The following SLC17A8 variants were observed in gnomAD, a reference collection of about 807,000 sequenced individuals.
SLC17A8 encodes solute carrier family 17 member 8, also known as vesicular glutamate transporter 3.
A neutral mutation model predicts 58.0 loss-of-function variants in SLC17A8; 31 were observed. That is an observed-to-expected ratio of 0.53 (90% confidence interval 0.40 to 0.72). The LOEUF (loss-of-function observed/expected upper bound fraction) is 0.72. Among genes scored for constraint, SLC17A8 ranks in the 30% least tolerant of loss-of-function variants. The pLI is 0.00. For synonymous variants in SLC17A8, 228 were observed against 249.0 expected, an observed-to-expected ratio of 0.92 and a Z score of 0.79; for missense variants, 655 against 727.8, an observed-to-expected ratio of 0.90 and a Z score of 1.15.
intron 2 of SLC17A8, among the ~76,000 whole-genome samples, chr12:100,387,761 G>T (rs1488314013): frequency 6.6e-6 from 1 of 152,168 alleles, no homozygotes. Flanking sequence ...GAGAGGTTTT[G>T]TGTCCCCTTT....
chr12:100,362,066 A>G (rs1952488604), intron 1 of SLC17A8, among the ~76,000 whole-genome samples: 1 of 152,162 alleles, frequency 6.6e-6, no homozygotes, highest in South Asian at 2.1e-4. Flanking sequence ...CTGGAGCACA[A>G]GCGATGTGCT....
Position 100,402,742 on chromosome 12 carries a change from TA to T in SLC17A8, c.1052del (p.Lys351ArgfsTer13), listed in dbSNP as rs960445053. 4 of 1,613,586 alleles carry T rather than the reference TA, an allele frequency of 2.5e-6. No homozygotes were observed. The highest frequency in any genetic ancestry group is 1.7e-6 in the Non-Finnish European group (2 of 1,179,898). On this transcript the variant is annotated frameshift_variant and splice_region_variant, in exon 8 of 12. Transcript: ENST00000323346. LOFTEE classifies it high-confidence loss of function. ...AAGAGGTCTTTGGATTTGCAATAAGTAAGGTAAACACACAGATGCTCCAAAT... is the reference window on the plus strand; with the variant it reads ...AAGAGGTCTTTGGATTTGCAATAAGTAGGTAAACACACAGATGCTCCAAAT... ...FEEVFGFAIS[K>X]VGLLSAVPHM...
At chr12:100,377,585 ATTTTTTTTTTTT>A (rs35397911) in intron 1 of SLC17A8, among the ~76,000 whole-genome samples, 1 of 84,030 alleles carries the variant, frequency 1.2e-5, no homozygotes, top group African/African-American at 4.9e-5. Context: ...ATATATATAT[ATTTTTTTTTTTT>A]TTTTTTTTTT....
intron 9 of SLC17A8, among the ~76,000 whole-genome samples, chr12:100,409,185 GTA>G (rs1169583642): frequency 3.3e-5 from 5 of 149,584 alleles, no homozygotes; most frequent in South Asian, 2.1e-4. Flanking sequence ...ATGTATGTAT[GTA>G]TGTATGTATG....
intron 3 of SLC17A8, among the ~76,000 whole-genome samples, chr12:100,392,940 C>T (rs1952726954): frequency 6.6e-6 from 1 of 152,138 alleles, no homozygotes; most frequent in Non-Finnish European, 1.5e-5. Flanking sequence ...CTTACCTGAA[C>T]CTGGCCAATC....
At chr12:100,401,701 A>G (rs1448892939) in intron 5 of SLC17A8, 76 bp from the exon 6 acceptor site, 12 of 1,188,934 alleles carry the variant, frequency 1.0e-5, no homozygotes, top group Non-Finnish European at 1.5e-5. Context: ...TCCTGACTTT[A>G]CCATATGAAT....
At chr12:100,387,730 G>A (rs757746445) in intron 2 of SLC17A8, among the ~76,000 whole-genome samples, 5 of 152,136 alleles carry the variant, frequency 3.3e-5, no homozygotes, top group African/African-American at 7.2e-5. Context: ...AAAGAATATC[G>A]TGTTTTGGGG....
At chr12:100,390,934 C>T in intron 2 of SLC17A8, 67 bp from the exon 3 acceptor site, 1 of 998,634 alleles carries the variant, frequency 1.0e-6, no homozygotes, top group Non-Finnish European at 1.6e-6. Flanking sequence ...TGTGTAGGCT[C>T]ATTGGTAAAA....
At chr12:100,365,293 T>C (rs368113716) in intron 1 of SLC17A8, among the ~76,000 whole-genome samples, 2 of 152,214 alleles carry the variant, frequency 1.3e-5, no homozygotes, top group African/African-American at 4.8e-5. Flanking sequence ...CTACTATAGA[T>C]GACAAGGCCT....
intron 1 of SLC17A8, among the ~76,000 whole-genome samples, chr12:100,371,861 A>G (rs979826715): frequency 1.3e-5 from 2 of 152,118 alleles, no homozygotes; most frequent in Non-Finnish European, 2.9e-5. Flanking sequence ...GCAAGGTTTT[A>G]AATATTCTGA....
chr12:100,376,796 A>G (rs1952597411), intron 1 of SLC17A8, among the ~76,000 whole-genome samples: 1 of 152,034 alleles, frequency 6.6e-6, no homozygotes, highest in South Asian at 2.1e-4. Flanking sequence ...ATATTAGAGC[A>G]TCAGTTTTCT....
At chr12:100,413,511 C>T (rs961274566) in intron 10 of SLC17A8, among the ~76,000 whole-genome samples, 1 of 152,174 alleles carries the variant, frequency 6.6e-6, no homozygotes, top group African/African-American at 2.4e-5. Flanking sequence ...TCTCTCACAA[C>T]TACCCTGCTG....
intron 2 of SLC17A8, among the ~76,000 whole-genome samples, chr12:100,381,501 G>A (rs1035887936): frequency 6.6e-6 from 1 of 152,102 alleles, no homozygotes; most frequent in South Asian, 2.1e-4. Context: ...CAGGCAAAGA[G>A]GGTGTGGTGT....
intron 2 of SLC17A8, among the ~76,000 whole-genome samples, chr12:100,385,879 C>T (rs1952671405): frequency 6.6e-6 from 1 of 152,166 alleles, no homozygotes; most frequent in Admixed American, 6.5e-5. Context: ...ACCTCATGCC[C>T]TCTGAAGACT....
chr12:100,396,286 A>G lies in SLC17A8; in HGVS notation c.589-44A>G, dbSNP rs753359218. On this transcript the variant is annotated intron_variant, in intron 4 of 11. Transcript: ENST00000323346. ...CATCCATATTTTAAACACAAGCAGA[A>G]ACTACAGTCAAATCAACTAATCTAT... 4 of 1,477,234 alleles carry G rather than the reference A, an allele frequency of 2.7e-6. No homozygotes were observed. In the African/African-American group the frequency reaches 5.5e-5, roughly 20 times the overall value. The allele number at this position is 1,477,234 out of a possible 1,614,324, so 91.5% of individuals were successfully genotyped here.
chr12:100,364,259 T>G (rs1952504185), intron 1 of SLC17A8, among the ~76,000 whole-genome samples: 1 of 152,184 alleles, frequency 6.6e-6, no homozygotes, highest in Admixed American at 6.5e-5. Context: ...TGATGTTGGC[T>G]GAGACTTGTA....
chr12:100,375,810 C>A (rs1383391736), intron 1 of SLC17A8, among the ~76,000 whole-genome samples: 1 of 152,180 alleles, frequency 6.6e-6, no homozygotes, highest in East Asian at 1.9e-4. Context: ...ATGCATCAAT[C>A]ATTGAACAAC....
rs752487238 is a variant in SLC17A8 at position 100,380,787 on chromosome 12, CA to C, written c.189del (p.Leu64SerfsTer18). On this transcript the variant is annotated frameshift_variant, in exon 2 of 12. Transcript: ENST00000323346. LOFTEE classifies it high-confidence loss of function. ...RPVQTSRPSP[P>X]LCDCHCCGLP... ...GTGCAGACGTCCAGGCCAAGCCCCC[CA>C]CTCTGCGACTGCCACTGCTGCGGCC... 2 of 1,614,150 alleles carry C rather than the reference CA, an allele frequency of 1.2e-6. No individual in the cohort carries two copies. The highest frequency in any genetic ancestry group is 1.7e-6 in the Non-Finnish European group (2 of 1,180,032).
chr12:100,373,229 A>G, intron 1 of SLC17A8, among the ~76,000 whole-genome samples: 1 of 152,216 alleles, frequency 6.6e-6, no homozygotes, highest in East Asian at 1.9e-4. Context: ...GACCAACTGC[A>G]GTCAAGCAGG....
Sources: allele counts gnomAD v4.1 joint callset (sites outside exome capture counted in the v4.1 genomes callset), GRCh38; gene constraint gnomAD v4.1.1; transcripts MANE v1.5; gene names NCBI Gene and HGNC (gene_info 2026-07-23, HGNC 2026-07-21).